The following CAMK2A variants were observed in gnomAD, a reference collection of about 807,000 sequenced individuals.
The protein encoded by CAMK2A is calcium/calmodulin dependent protein kinase II alpha, also known as calcium/calmodulin-dependent protein kinase type II subunit alpha.
In CAMK2A, 7 loss-of-function variants were observed where a neutral mutation model predicts 79.2. That is an observed-to-expected ratio of 0.09 (90% CI 0.05 to 0.17). CAMK2A has a LOEUF of 0.17. Among genes scored for constraint, CAMK2A ranks in the 10% least tolerant of loss-of-function variants. The probability of loss-of-function intolerance (pLI) is 1.00; values close to 1 mark genes in which losing one functional copy is unlikely to be tolerated. For synonymous variants in CAMK2A, 242 were observed against 251.7 expected (o/e 0.96, Z 0.36); for missense variants, 214 against 646.4 (o/e 0.33, Z 7.25).
intron 2 of CAMK2A, among the ~76,000 whole-genome samples, chr5:150,266,661 G>C (rs1191429502): frequency 6.6e-6 from 1 of 152,090 alleles, no homozygotes; most frequent in African/African-American, 2.4e-5. Context: ...TTTTTACCCA[G>C]ACAGTTAGAC....
intron 15 of CAMK2A, among the ~76,000 whole-genome samples, chr5:150,235,935 C>T (rs970947354): frequency 3.9e-5 from 6 of 152,104 alleles, no homozygotes; most frequent in Non-Finnish European, 7.4e-5. Context: ...CCTGGCTGAC[C>T]GTTTCTTCCA....
intron 12 of CAMK2A, 162 bp from the exon 13 acceptor site, chr5:150,245,363 C>T: frequency 1.6e-6 from 1 of 610,328 alleles, no homozygotes; most frequent in Non-Finnish European, 2.8e-6. Context: ...TCCTCCTCCT[C>T]CTCCTCCTCC....
intron 11 of CAMK2A, among the ~76,000 whole-genome samples, chr5:150,248,442 C>T (rs926127095): frequency 6.6e-6 from 1 of 150,728 alleles, no homozygotes; most frequent in South Asian, 2.1e-4. Context: ...CCCATTAACT[C>T]GTCATTTACA....
chr5:150,222,654 C>T lies in CAMK2A; in HGVS notation c.*56G>A, dbSNP rs1256924780. 18 of 1,606,402 alleles carry T rather than the reference C, an allele frequency of 1.1e-5. No homozygotes were observed. The highest frequency in any genetic ancestry group is 1.5e-5 in the Non-Finnish European group (18 of 1,173,754). ...ACCTGGGAGAACCAGCAGCTCCACT[C>T]CACGGACAGAGTGGATCTCTGCGGC... is the stretch of plus-strand genomic sequence containing the variant. On this transcript the variant is annotated 3_prime_UTR_variant, in exon 19 of 19. Coordinates refer to ENST00000671881, the MANE Select transcript of CAMK2A (RefSeq NM_015981.4).
At chr5:150,263,131 G>T (rs73796386) in intron 3 of CAMK2A, among the ~76,000 whole-genome samples, 10,140 of 152,144 alleles carry the variant, frequency 0.067, 1,116 homozygotes, top group African/African-American at 0.23. Flanking sequence ...ATTTTGCAGA[G>T]AAAACTGAGC....
At chr5:150,250,192 A>G (rs370271239) in intron 11 of CAMK2A, 34 bp downstream of exon 11, 4 of 1,525,394 alleles carry the variant, frequency 2.6e-6, no homozygotes, top group Non-Finnish European at 3.6e-6. Context: ...AGCTAGTCCC[A>G]TGGCCAGGAC....
chr5:150,256,692 T>C lies in CAMK2A; in HGVS notation c.339-47A>G, dbSNP rs1193113469. On this transcript the variant is annotated intron_variant, in intron 5 of 18. Transcript: ENST00000671881. This position sits in a 1 kb window ranked among gnomAD's most constrained non-coding sequence, Gnocchi z 4.6. ...GGTCATGGTGGTGTGAGCACAGGCC[T>C]CCCCTGGGAAGCTGACAGCAGGCAA... 9 of 1,606,732 alleles carry C rather than the reference T, an allele frequency of 5.6e-6. No individual in the cohort carries two copies. The highest frequency in any genetic ancestry group is 7.7e-6 in the Non-Finnish European group (9 of 1,173,632).
At chr5:150,263,574 CACAT>C (rs1287382028) in intron 3 of CAMK2A, among the ~76,000 whole-genome samples, 4 of 151,948 alleles carry the variant, frequency 2.6e-5, no homozygotes, top group Admixed American at 6.6e-5. Flanking sequence ...CATACACACA[CACAT>C]ACATGCATAC....
At chr5:150,254,851 G>A (rs1755987279) in intron 6 of CAMK2A, among the ~76,000 whole-genome samples, 1 of 152,220 alleles carries the variant, frequency 6.6e-6, no homozygotes, top group East Asian at 1.9e-4. Flanking sequence ...GTGGCCTACA[G>A]TAAGTGCTTG....
chr5:150,279,746 C>G (rs1196592995), intron 1 of CAMK2A, among the ~76,000 whole-genome samples: 5 of 152,216 alleles, frequency 3.3e-5, no homozygotes, highest in Non-Finnish European at 5.9e-5. Context: ...AGGGAGGCCC[C>G]CCTCCGGCAC....
rs574363103 is a variant in CAMK2A, at chr5:150,239,838, G to A, written c.985-102C>T. On this transcript the variant is annotated intron_variant, in intron 13 of 18. Coordinates refer to ENST00000671881, the MANE Select transcript of CAMK2A (RefSeq NM_015981.4). ...GAGGTTTGGGAGGAGGATGGGCCTC[G>A]GGGTCATCCTCTGTAGTCCTTTGTC... The A allele has an allele frequency of 1.2e-4, 111 of 964,046 alleles. No individual in the cohort carries two copies. The Admixed American group carries it at 1.7e-3, about 15-fold the overall frequency. 59.7% of individuals were successfully genotyped at this position (964,046 alleles called of 1,614,324 possible).
Position 150,244,496 on chromosome 5 carries a change from C to T in CAMK2A, c.984+665G>A, listed in dbSNP as rs181649185. Reference sequence around the variant, plus strand: ...CAGAGGAGGAGGGAACTGCAGAGAGCAGGGGACCAGGCCCCAGAGAGCAGA... The same window carrying T: ...CAGAGGAGGAGGGAACTGCAGAGAGTAGGGGACCAGGCCCCAGAGAGCAGA... On this transcript the variant is annotated intron_variant, in intron 13 of 18. Transcript: ENST00000671881. Among the ~76,000 whole-genome samples, 50 of 152,328 alleles carry T rather than the reference C, an allele frequency of 3.3e-4. No homozygotes were observed. The East Asian group carries it at 9.3e-3, about 28-fold the overall frequency.
chr5:150,249,180 C>T lies in CAMK2A; in HGVS notation c.900+1046G>A, dbSNP rs570224304. 9.2e-4 allele frequency among the ~76,000 whole-genome samples: 140 copies of T among 152,370 alleles called. 1 individual carries two copies. The highest frequency in any genetic ancestry group is 3.4e-3 in the Middle Eastern group (1 of 294). On this transcript the variant is annotated intron_variant, in intron 11 of 18. Transcript: ENST00000671881. ...GGGCCTCCGCCTCTTCCCTCATCATCCCCAGCGTGCTGACGGCTCCTCTGT... is the reference window on the plus strand; with the variant it reads ...GGGCCTCCGCCTCTTCCCTCATCATTCCCAGCGTGCTGACGGCTCCTCTGT...
intron 12 of CAMK2A, 91 bp downstream of exon 12, chr5:150,247,681 G>A: frequency 9.7e-7 from 1 of 1,034,786 alleles, no homozygotes; most frequent in Non-Finnish European, 1.5e-6. Context: ...CCCAGGCCCA[G>A]TGGCCTGGGG....
At chr5:150,245,341 T>G (rs895980962) in intron 12 of CAMK2A, 140 bp from the exon 13 acceptor site, 10 of 293,454 alleles carry the variant, frequency 3.4e-5, no homozygotes, top group South Asian at 1.9e-4. Context: ...GGGGGAGGCC[T>G]CCTCCTCCTC....
chr5:150,259,166 C>T (rs1010839859), intron 3 of CAMK2A, among the ~76,000 whole-genome samples: 3 of 151,324 alleles, frequency 2.0e-5, no homozygotes, highest in Admixed American at 6.6e-5. Flanking sequence ...AGCGACAAAG[C>T]AACACTCCAT....
In CAMK2A at chr5:150,249,433, C is replaced by T. The variant is rs1467217865; in HGVS notation, c.900+793G>A. Among the ~76,000 whole-genome samples, 6 of 152,358 alleles carry T rather than the reference C, an allele frequency of 3.9e-5. No homozygotes were observed. The East Asian group carries it at 1.2e-3, about 29-fold the overall frequency. The stretch of plus-strand genomic sequence containing the variant: ...GTCTCACGTTCAGTCATGTCTCACC[C>T]CCAAAAGCTCTCCCCAGCCACTCTG... On this transcript the variant is annotated intron_variant, in intron 11 of 18. Transcript: ENST00000671881.
chr5:150,230,826 G>A (rs1172087508), intron 16 of CAMK2A, among the ~76,000 whole-genome samples: 2 of 152,210 alleles, frequency 1.3e-5, no homozygotes, highest in Admixed American at 6.5e-5. Flanking sequence ...TTCTGCTCAT[G>A]CCTGCTCACT....
intron 1 of CAMK2A, among the ~76,000 whole-genome samples, chr5:150,283,285 C>T (rs1391262357): frequency 6.6e-6 from 1 of 152,208 alleles, no homozygotes. Context: ...AAATACATAC[C>T]TCAGAGCTTT....
Sources: gnomAD v4.1 joint callset for allele counts (sites outside exome capture counted in the v4.1 genomes callset) on GRCh38, gnomAD v4.1.1 for gene constraint, Gnocchi (gnomAD v3.1) non-coding constraint, MANE v1.5 for transcripts, NCBI Gene and HGNC (gene_info 2026-07-23, HGNC 2026-07-21) for gene names.